Variants in ADGRD1 observed in about 807,000 individuals in gnomAD.
ADGRD1 encodes the protein G-protein coupled receptor 133.
A neutral mutation model predicts 113.4 loss-of-function variants in ADGRD1; 77 were observed. The observed-to-expected ratio is 0.68, with a 90% confidence interval of 0.57 to 0.82. The LOEUF (loss-of-function observed/expected upper bound fraction) is 0.82, where lower values mean the gene tolerates loss of function less well. Ranked by LOEUF, ADGRD1 falls within the 40% of genes least tolerant of loss-of-function variation. The pLI, the probability that ADGRD1 is intolerant of heterozygous loss-of-function variation, is 0.00. For missense variants in ADGRD1, 1,036 were observed against 1,139.1 expected, an observed-to-expected ratio of 0.91 and a Z score of 1.30; for synonymous variants, 474 against 475.0, an observed-to-expected ratio of 1.00 and a Z score of 0.03.
intron 12 of ADGRD1, among the ~76,000 whole-genome samples, chr12:131,009,777 TGTA>T (rs1465291390): frequency 6.6e-6 from 1 of 152,194 alleles, no homozygotes; most frequent in African/African-American, 2.4e-5. Flanking sequence ...ATTTGTGTGT[TGTA>T]TGTGCATACA....
At chr12:131,025,277 A>AG (rs1191269551) in intron 13 of ADGRD1, among the ~76,000 whole-genome samples, 1 of 152,144 alleles carries the variant, frequency 6.6e-6, no homozygotes, top group South Asian at 2.1e-4. Flanking sequence ...AGCGTTCTCT[A>AG]GGGTTTTGGG....
intron 9 of ADGRD1, chr12:131,002,595 T>C: frequency 9.5e-7 from 1 of 1,057,594 alleles, no homozygotes; most frequent in Non-Finnish European, 1.2e-6. Flanking sequence ...TGTCTGAGGA[T>C]GAGGGCCCCC....
At chr12:131,006,073 G>A in intron 12 of ADGRD1, 26 bp downstream of exon 12, 1 of 1,603,844 alleles carries the variant, frequency 6.2e-7, no homozygotes, top group Non-Finnish European at 8.5e-7. Context: ...GCTCAGCTCA[G>A]GGGCGTGGGT....
rs1345101228 is a variant in ADGRD1 at position 131,113,998 on chromosome 12, C to G, written c.2042-4387C>G. Among the ~76,000 whole-genome samples the G allele has an allele frequency of 2.0e-5, 3 of 152,302 alleles. No individual in the cohort carries two copies. The highest frequency in any genetic ancestry group is 3.4e-3 in the Middle Eastern group (1 of 294). On this transcript the variant is annotated intron_variant, in intron 18 of 24. Transcript: ENST00000261654. The surrounding 1 kb of genome is among the most constrained non-coding windows in gnomAD (Gnocchi z 4.9). ...GCATACGTGCATGTGTGCACGCACA[C>G]ACACGCACACACACTCACACTCTCC...
chr12:130,992,429 C>A (rs373506440), intron 8 of ADGRD1, 37 bp downstream of exon 8: 1 of 1,570,782 alleles, frequency 6.4e-7, no homozygotes, highest in Non-Finnish European at 8.7e-7. Flanking sequence ...GTGGACCGGG[C>A]GTGGCACCCT....
chr12:131,055,742 C>T (rs770209608), intron 13 of ADGRD1, among the ~76,000 whole-genome samples: 4 of 152,164 alleles, frequency 2.6e-5, no homozygotes, highest in Non-Finnish European at 5.9e-5. Flanking sequence ...GAAATATGAA[C>T]GAGCACAGAC....
In ADGRD1 at chr12:130,987,476, G is replaced by A. The variant is rs1593300587; in HGVS notation, c.745+127G>A. ...CTGCAGGCGTGAGATGTGTCCTAAT[G>A]AACCTTATAAACACAGTTGTGTGTT... is the stretch of plus-strand genomic sequence containing the variant. On this transcript the variant is annotated intron_variant, in intron 6 of 24. Coordinates refer to ENST00000261654, the MANE Select transcript of ADGRD1 (RefSeq NM_198827.5). 7.9e-6 allele frequency: 8 copies of A among 1,011,850 alleles called. 2 individuals are homozygous for A. The Admixed American group carries it at 1.8e-4, about 23-fold the overall frequency. The allele number at this position is 1,011,850 out of a possible 1,614,324, so 62.7% of individuals were successfully genotyped here.
At chr12:131,114,490 A>G (rs1005099761) in intron 18 of ADGRD1, among the ~76,000 whole-genome samples, 3 of 151,948 alleles carry the variant, frequency 2.0e-5, no homozygotes, top group Non-Finnish European at 4.4e-5. Context: ...TCCCTTAATT[A>G]ATTTCATCAG....
chr12:131,006,182 G>A, intron 12 of ADGRD1, 135 bp downstream of exon 12: 1 of 744,732 alleles, frequency 1.3e-6, no homozygotes, highest in Non-Finnish European at 2.3e-6. Context: ...CACTGCTCGG[G>A]CAAGGAAACG....
rs572931853 is a variant in ADGRD1, at chr12:131,059,242, C to T, written c.1474-17559C>T. On this transcript the variant is annotated intron_variant, in intron 13 of 24. Coordinates refer to ENST00000261654, the MANE Select transcript of ADGRD1 (RefSeq NM_198827.5). The stretch of plus-strand genomic sequence containing the variant: ...CCAGGCTGGAGTATAGTGACGCCAT[C>T]CTGGCTCACTGCAGCCAGCCCCCCA... 5.3e-5 allele frequency among the ~76,000 whole-genome samples: 8 copies of T among 152,228 alleles called. No individual in the cohort carries two copies. The East Asian group carries it at 1.2e-3, about 22-fold the overall frequency.
chr12:131,007,895 A>T (rs1249378749), intron 12 of ADGRD1, among the ~76,000 whole-genome samples: 1 of 35,702 alleles, frequency 2.8e-5, no homozygotes, highest in Non-Finnish European at 8.0e-5. Flanking sequence ...GAAAAAAATC[A>T]TGCAAACAGC....
intron 13 of ADGRD1, among the ~76,000 whole-genome samples, chr12:131,015,600 C>CTGGAGATGGAGATGGAGA (rs1878470824): frequency 7.0e-6 from 1 of 142,012 alleles, no homozygotes; most frequent in Non-Finnish European, 1.5e-5. Context: ...GGAGAGGGGA[C>CTGGAGATGGAGATGGAGA]TGGAGTTGGA....
chr12:130,968,566 G>A (rs143595453), intron 3 of ADGRD1: 204 of 170,548 alleles, frequency 1.2e-3, no homozygotes, highest in African/African-American at 4.7e-3. Context: ...ATCATCTCAC[G>A]CAGTCATTTT....
chr12:130,990,569 T>G (rs2136645738), intron 6 of ADGRD1: 1 of 154,696 alleles, frequency 6.5e-6, no homozygotes, highest in African/African-American at 2.4e-5. Context: ...ACTGCTTTAC[T>G]GGGGCCTATT....
intron 13 of ADGRD1, among the ~76,000 whole-genome samples, chr12:131,049,264 T>C (rs530678089): frequency 1.3e-5 from 2 of 152,300 alleles, no homozygotes; most frequent in East Asian, 1.9e-4. Context: ...GCCGCACATA[T>C]GGTGGGACCT....
chr12:131,058,792 G>T (rs1341489642), intron 13 of ADGRD1, among the ~76,000 whole-genome samples: 1 of 152,144 alleles, frequency 6.6e-6, no homozygotes, highest in East Asian at 1.9e-4. Context: ...TCAACAATTT[G>T]TTTTCTTTGT....
intron 2 of ADGRD1, chr12:130,957,567 CACGT>C (rs1430364594): frequency 6.6e-6 from 1 of 152,318 alleles, no homozygotes; most frequent in Non-Finnish European, 1.5e-5. Flanking sequence ...CATATCCACA[CACGT>C]ACACATATGT....
At chr12:131,108,665 A>T in intron 17 of ADGRD1, 59 bp from the exon 18 acceptor site, 3 of 1,611,772 alleles carry the variant, frequency 1.9e-6, no homozygotes, top group Non-Finnish European at 2.5e-6. Flanking sequence ...CTGGGATCAT[A>T]GCCACGCCCA....
rs1007394228 is a variant in ADGRD1, at chr12:131,139,981, C to T, written c.*718C>T. Reference sequence around the variant, plus strand: ...TCCCCTCTGCTCACGTGAAGAGCCGCTCTGGGCCTTGAGGCTGCCTGATGG... The same window carrying T: ...TCCCCTCTGCTCACGTGAAGAGCCGTTCTGGGCCTTGAGGCTGCCTGATGG... On this transcript the variant is annotated 3_prime_UTR_variant, in exon 25 of 25. Coordinates refer to ENST00000261654, the MANE Select transcript of ADGRD1 (RefSeq NM_198827.5). 3.9e-5 allele frequency: 6 copies of T among 152,500 alleles called. No homozygotes were observed. The highest frequency in any genetic ancestry group is 1.4e-4 in the African/African-American group (6 of 41,470). The allele number at this position is 152,500 out of a possible 1,614,324, so 9.4% of individuals were successfully genotyped here. A position where few individuals can be genotyped will look rare whatever the true frequency, so the allele number is the denominator to read the frequency against.
Sources: gnomAD v4.1 joint callset for allele counts (sites outside exome capture counted in the v4.1 genomes callset) on GRCh38, gnomAD v4.1.1 for gene constraint, Gnocchi (gnomAD v3.1) non-coding constraint, MANE v1.5 for transcripts, NCBI Gene and HGNC (gene_info 2026-07-23, HGNC 2026-07-21) for gene names.